Variants in NEK11 observed in about 807,000 individuals in gnomAD.
The protein encoded by NEK11 is NIMA related kinase 11, also known as serine/threonine-protein kinase Nek11.
In NEK11, 72 loss-of-function variants were observed where a neutral mutation model predicts 80.7. The observed-to-expected ratio is 0.89, with a 90% CI of 0.74 to 1.08. NEK11 has a LOEUF of 1.08. Among genes scored for constraint, NEK11 ranks in the 50% least tolerant of loss-of-function variants. The pLI is 0.00. For synonymous variants in NEK11, 251 were observed against 260.7 expected (o/e 0.96, Z 0.36); for missense variants, 764 against 763.6 (o/e 1.00, Z -0.01).
chr3:131,284,091 T>G (rs1033422532), intron 17 of NEK11, among the ~76,000 whole-genome samples: 47 of 152,170 alleles, frequency 3.1e-4, no homozygotes, highest in African/African-American at 1.1e-3. Context: ...TGAGGGCAAA[T>G]GCCAGGAGCC....
chr3:131,305,859 G>A (rs1025327966), intron 17 of NEK11, among the ~76,000 whole-genome samples: 2 of 152,028 alleles, frequency 1.3e-5, no homozygotes, highest in African/African-American at 2.4e-5. Context: ...AAGCATCTGG[G>A]TCCTCCCTCT....
chr3:131,223,977 A>G (rs1013196238), intron 14 of NEK11, among the ~76,000 whole-genome samples: 1 of 152,204 alleles, frequency 6.6e-6, no homozygotes, highest in African/African-American at 2.4e-5. Context: ...ATACAGTCAT[A>G]CACTGCATAA....
chr3:131,107,006 G>C (rs181139753), intron 4 of NEK11, among the ~76,000 whole-genome samples: 23 of 151,970 alleles, frequency 1.5e-4, no homozygotes, highest in African/African-American at 5.5e-4. Flanking sequence ...TTTTTCCATT[G>C]GCCTTCTCTA....
intron 3 of NEK11, among the ~76,000 whole-genome samples, chr3:131,061,211 A>G (rs1244353615): frequency 6.6e-6 from 1 of 152,206 alleles, no homozygotes; most frequent in African/African-American, 2.4e-5. Flanking sequence ...TAAACATCTG[A>G]AGAGCTTCAG....
At chr3:131,129,909 A>G (rs1163253758) in intron 5 of NEK11, among the ~76,000 whole-genome samples, 1 of 152,188 alleles carries the variant, frequency 6.6e-6, no homozygotes, top group Admixed American at 6.5e-5. Context: ...AAGACCCAAT[A>G]TTATGGATCT....
At chr3:131,345,936 A>C (rs1481987670) in intron 17 of NEK11, among the ~76,000 whole-genome samples, 3 of 152,164 alleles carry the variant, frequency 2.0e-5, no homozygotes, top group Non-Finnish European at 4.4e-5. Context: ...AGGAATAAAA[A>C]TATTGCATGA....
In NEK11 at chr3:131,162,423, C is replaced by T. The variant is rs1486540320; in HGVS notation, c.978C>T (p.His326=). The change falls in exon 11 of 18, where the codon CAC becomes CAT. Residue 326 remains histidine, a synonymous_variant. Coordinates refer to ENST00000383366, the MANE Select transcript of NEK11 (RefSeq NM_024800.5). ...HIINAMQKRI[H]LQTLRALSEV... ...TTATTTATAGGCAAAAAAGGATCCA[C>T]CTGCAGACTCTGAGGGCACTGTCAG... 2 of 1,613,764 alleles carry T rather than the reference C, an allele frequency of 1.2e-6. No homozygotes were observed. The highest frequency in any genetic ancestry group is 2.2e-5 in the East Asian group (1 of 44,888).
At position 131,236,609 on chromosome 3, in the gene NEK11, C is replaced by T. The variant is rs139925748; in HGVS notation, c.1561-6827C>T. Among the ~76,000 whole-genome samples the T allele has an allele frequency of 3.5e-3, 538 of 152,240 alleles. 5 individuals carry two copies. In the Middle Eastern group the frequency reaches 0.048, roughly 14 times the overall value. On this transcript the variant is annotated intron_variant, in intron 15 of 17. Transcript: ENST00000383366. ...CGTTGACAGTCACGTTTCAGCAATT[C>T]GGAATTCAGTGAAAGAGGCTTTTAG... is the stretch of plus-strand genomic sequence containing the variant.
chr3:131,101,582 G>A (rs540101883), intron 4 of NEK11, among the ~76,000 whole-genome samples: 1 of 152,168 alleles, frequency 6.6e-6, no homozygotes, highest in Non-Finnish European at 1.5e-5. Flanking sequence ...ATGCACTGTG[G>A]TCTGAGAGTA....
chr3:131,029,153 A>G (rs2064403782), intron 2 of NEK11, among the ~76,000 whole-genome samples: 1 of 152,276 alleles, frequency 6.6e-6, no homozygotes, highest in Non-Finnish European at 1.5e-5. Context: ...TAAAGGAAAC[A>G]GCACCTGCTA....
At chr3:131,076,920 T>G (rs2074448631) in intron 3 of NEK11, among the ~76,000 whole-genome samples, 1 of 152,202 alleles carries the variant, frequency 6.6e-6, no homozygotes, top group East Asian at 1.9e-4. Flanking sequence ...CAGTGTATGC[T>G]GCTGGTTGAA....
intron 3 of NEK11, among the ~76,000 whole-genome samples, chr3:131,035,792 G>A (rs543551683): frequency 2.0e-5 from 3 of 152,224 alleles, no homozygotes; most frequent in East Asian, 3.9e-4. Flanking sequence ...GAATAATTGG[G>A]CAATTACTCG....
intron 14 of NEK11, chr3:131,174,847 G>A (rs1012715489): frequency 3.8e-6 from 6 of 1,584,968 alleles, no homozygotes; most frequent in Admixed American, 3.7e-5. Flanking sequence ...TCTACAAGGA[G>A]CATGACTCCC....
intron 17 of NEK11, among the ~76,000 whole-genome samples, chr3:131,293,018 C>A (rs1228807369): frequency 6.6e-6 from 1 of 152,104 alleles, no homozygotes; most frequent in Non-Finnish European, 1.5e-5. Flanking sequence ...TCTACATAGA[C>A]AATCGTGTCA....
intron 14 of NEK11, among the ~76,000 whole-genome samples, chr3:131,185,011 A>T (rs1414005068): frequency 6.6e-6 from 1 of 152,130 alleles, no homozygotes; most frequent in Non-Finnish European, 1.5e-5. Context: ...CCTAAGAACT[A>T]CTGGGAATTA....
intron 17 of NEK11, among the ~76,000 whole-genome samples, chr3:131,335,680 C>T (rs1306140316): frequency 6.6e-6 from 1 of 152,152 alleles, no homozygotes; most frequent in African/African-American, 2.4e-5. Flanking sequence ...GTCAAATTGT[C>T]CCTGTTTGCA....
chr3:131,219,023 C>T (rs2094932499), intron 14 of NEK11, among the ~76,000 whole-genome samples: 1 of 152,042 alleles, frequency 6.6e-6, no homozygotes, highest in Non-Finnish European at 1.5e-5. Context: ...TACCATTTGA[C>T]CCAGCAATCC....
chr3:131,158,482 C>T (rs912073112), intron 10 of NEK11, among the ~76,000 whole-genome samples: 3 of 152,214 alleles, frequency 2.0e-5, no homozygotes, highest in African/African-American at 7.2e-5. Context: ...TACCAGCACC[C>T]TGCCCCTGTA....
chr3:131,074,581 T>C (rs535522096), intron 3 of NEK11, among the ~76,000 whole-genome samples: 318 of 152,310 alleles, frequency 2.1e-3, no homozygotes, highest in African/African-American at 7.2e-3. Flanking sequence ...TGATTAACTT[T>C]CATAGCCTAT....
Sources: gnomAD v4.1 joint callset for allele counts (sites outside exome capture counted in the v4.1 genomes callset) on GRCh38, gnomAD v4.1.1 for gene constraint, MANE v1.5 for transcripts, NCBI Gene and HGNC (gene_info 2026-07-23, HGNC 2026-07-21) for gene names.